GNAI3: variants seen among roughly 807,000 people sequenced by gnomAD.
GNAI3 encodes the protein G protein subunit alpha i3.
GNAI3 carries 12 observed loss-of-function variants against 41.8 expected under a neutral mutation model. That is an observed-to-expected ratio of 0.29 (90% CI 0.18 to 0.47). GNAI3 has a LOEUF of 0.47. Ranked by LOEUF, GNAI3 falls within the 20% of genes least tolerant of loss-of-function variation. GNAI3 has a pLI of 1.00. For synonymous variants in GNAI3, 132 were observed against 146.5 expected (o/e 0.90, Z 0.71); for missense variants, 360 against 429.6 (o/e 0.84, Z 1.43).
intron 1 of GNAI3, among the ~76,000 whole-genome samples, chr1:109,558,285 T>A (rs1648210959): frequency 6.6e-6 from 1 of 151,962 alleles, no homozygotes; most frequent in African/African-American, 2.4e-5. Flanking sequence ...TAGCCAGGCG[T>A]GGTGGTGCAC....
intron 1 of GNAI3, among the ~76,000 whole-genome samples, chr1:109,565,299 A>G (rs1338306383): frequency 6.6e-6 from 1 of 152,164 alleles, no homozygotes; most frequent in Non-Finnish European, 1.5e-5. Flanking sequence ...TGAACAAATA[A>G]TAAATGAGTG....
chr1:109,553,942 T>G (rs894498034), intron 1 of GNAI3, among the ~76,000 whole-genome samples: 1 of 152,182 alleles, frequency 6.6e-6, no homozygotes, highest in Non-Finnish European at 1.5e-5. Context: ...CACTTACAAG[T>G]GAGAACGTAC....
At chr1:109,580,197 A>G (rs1648854808) in intron 4 of GNAI3, among the ~76,000 whole-genome samples, 1 of 152,066 alleles carries the variant, frequency 6.6e-6, no homozygotes, top group Admixed American at 6.5e-5. Flanking sequence ...ACGGGGTTTC[A>G]ACGTGTTAGC....
intron 1 of GNAI3, 149 bp from the exon 2 acceptor site, chr1:109,573,588 C>G (rs1300435624): frequency 1.4e-5 from 9 of 632,680 alleles, no homozygotes; most frequent in Non-Finnish European, 2.0e-5. Flanking sequence ...TGGAGAAGCT[C>G]CATACATTTT....
rs1470319513 is a variant in GNAI3 at position 109,548,757 on chromosome 1, G to C, written c.37G>C (p.Val13Leu). The change falls in exon 1 of 9, where the codon GTG becomes CTG. Residue 13 changes from valine to leucine, a missense_variant. By Grantham distance (32) the Val-to-Leu change is conservative (BLOSUM62 1). Coordinates refer to ENST00000369851, the MANE Select transcript of GNAI3 (RefSeq NM_006496.4). The stretch of plus-strand genomic sequence containing the variant: ...GTTGAGCGCCGAAGACAAGGCGGCA[G>C]TGGAGCGAAGCAAGATGATCGACCG... ...CTLSAEDKAA[V>L]ERSKMIDRNL... The C allele has an allele frequency of 3.1e-6, 5 of 1,613,642 alleles. No individual in the cohort carries two copies. The Admixed American group carries it at 6.7e-5, about 22-fold the overall frequency.
At chr1:109,580,818 C>T (rs1301978366) in intron 4 of GNAI3, among the ~76,000 whole-genome samples, 1 of 152,206 alleles carries the variant, frequency 6.6e-6, no homozygotes, top group Non-Finnish European at 1.5e-5. Context: ...TACATTTATA[C>T]AGTCTGTTGT....
Position 109,598,294 on chromosome 1 carries a change from A to C in GNAI3, c.*5972A>C, listed in dbSNP as rs1342074747. The stretch of plus-strand genomic sequence containing the variant: ...GATAAAGGTCCTGAGACCTCTCAGA[A>C]TCTTACGAGGTTGGAGAGTTGTTTG... On this transcript the variant is annotated 3_prime_UTR_variant, in exon 9 of 9. Coordinates refer to ENST00000369851, the MANE Select transcript of GNAI3 (RefSeq NM_006496.4). The C allele has an allele frequency of 6.6e-6, 1 of 152,272 alleles. No homozygotes were observed. The highest frequency in any genetic ancestry group is 1.5e-5 in the Non-Finnish European group (1 of 68,090). 9.4% of individuals were successfully genotyped at this position (152,272 alleles called of 1,614,324 possible).
chr1:109,559,882 T>G (rs1327224826), intron 1 of GNAI3, among the ~76,000 whole-genome samples: 1 of 152,232 alleles, frequency 6.6e-6, no homozygotes, highest in African/African-American at 2.4e-5. Flanking sequence ...TTAGGATCAC[T>G]GTTTAATTGT....
Position 109,561,502 on chromosome 1 carries a change from C to G in GNAI3, c.119-12235C>G, listed in dbSNP as rs186876505. Among the ~76,000 whole-genome samples, 3 of 152,270 alleles carry G rather than the reference C, an allele frequency of 2.0e-5. No individual in the cohort carries two copies. In the East Asian group the frequency reaches 5.8e-4, roughly 29 times the overall value. ...CTAATTTTCTGCTCCAGGATCCAATCCAGGATACACCATTGCATTTAGTCA... is the reference window on the plus strand; with the variant it reads ...CTAATTTTCTGCTCCAGGATCCAATGCAGGATACACCATTGCATTTAGTCA... On this transcript the variant is annotated intron_variant, in intron 1 of 8. Coordinates refer to ENST00000369851, the MANE Select transcript of GNAI3 (RefSeq NM_006496.4).
chr1:109,577,303 G>GT (rs1304364169), intron 3 of GNAI3, among the ~76,000 whole-genome samples: 1 of 143,746 alleles, frequency 7.0e-6, no homozygotes, highest in African/African-American at 2.7e-5. Flanking sequence ...TTGAGATGGA[G>GT]TTTTGCTCTG....
intron 1 of GNAI3, among the ~76,000 whole-genome samples, chr1:109,558,828 G>A (rs1648228809): frequency 6.6e-6 from 1 of 152,086 alleles, no homozygotes; most frequent in South Asian, 2.1e-4. Context: ...TTAGTTTTAT[G>A]GCAGGGGAAT....
At position 109,598,673 on chromosome 1, in the gene GNAI3, T is replaced by C. The variant is rs1649373740; in HGVS notation, c.*6351T>C. 1 of 226,702 alleles carries C rather than the reference T, an allele frequency of 4.4e-6. No homozygotes were observed. The highest frequency in any genetic ancestry group is 9.4e-6 in the Non-Finnish European group (1 of 106,198). The allele number at this position is 226,702 out of a possible 1,614,324, so 14.0% of individuals were successfully genotyped here. ...AAATTCGTGAAGCAGGGTGAAAAGG[T>C]CTTTGCTTTGTTTTACATTTAAATC... is the stretch of plus-strand genomic sequence containing the variant. On this transcript the variant is annotated 3_prime_UTR_variant, in exon 9 of 9. Transcript: ENST00000369851.
Position 109,592,032 on chromosome 1 carries a change from G to A in GNAI3, c.875-11G>A, listed in dbSNP as rs751056063. The A allele has an allele frequency of 1.9e-6, 3 of 1,579,640 alleles. No homozygotes were observed. Among genetic ancestry groups the A allele is most frequent in the Non-Finnish European group, 2.6e-6 (3 of 1,152,578 alleles). ...ACAATTTGAACTGAGAGTACTGGGT[G>A]TCCGTTTTAGGTTCCAATACATATG... On this transcript the variant is annotated splice_polypyrimidine_tract_variant and intron_variant, in intron 7 of 8. Coordinates refer to ENST00000369851, the MANE Select transcript of GNAI3 (RefSeq NM_006496.4).
At chr1:109,589,925 C>T (rs549517183) in intron 7 of GNAI3, among the ~76,000 whole-genome samples, 1 of 152,266 alleles carries the variant, frequency 6.6e-6, no homozygotes, top group East Asian at 1.9e-4. Context: ...CACTAAGTGC[C>T]ACAGAATTGT....
At chr1:109,590,054 A>G (rs1481384881) in intron 7 of GNAI3, among the ~76,000 whole-genome samples, 1 of 152,242 alleles carries the variant, frequency 6.6e-6, no homozygotes, top group African/African-American at 2.4e-5. Context: ...GACCAGAAGT[A>G]CAAATAAGTG....
chr1:109,565,086 C>A, intron 1 of GNAI3, among the ~76,000 whole-genome samples: 1 of 151,824 alleles, frequency 6.6e-6, no homozygotes, highest in East Asian at 1.9e-4. Flanking sequence ...GATGGTGAAA[C>A]CCCGTCTCTA....
chr1:109,587,699 G>A (rs1005575365), intron 7 of GNAI3, among the ~76,000 whole-genome samples: 8 of 152,188 alleles, frequency 5.3e-5, no homozygotes, highest in African/African-American at 9.6e-5. Context: ...ATGCTGAGAC[G>A]ATGATCAGTT....
Position 109,596,068 on chromosome 1 carries a change from T to C in GNAI3, c.*3746T>C, listed in dbSNP as rs1326022787. 2 of 152,194 alleles carry C rather than the reference T, an allele frequency of 1.3e-5. No individual in the cohort carries two copies. Among genetic ancestry groups the C allele is most frequent in the African/African-American group, 4.8e-5 (2 of 41,444 alleles). The allele number at this position is 152,194 out of a possible 1,614,324, so 9.4% of individuals were successfully genotyped here. A position where few individuals can be genotyped will look rare whatever the true frequency, so the allele number is the denominator to read the frequency against. On this transcript the variant is annotated 3_prime_UTR_variant, in exon 9 of 9. Coordinates refer to ENST00000369851, the MANE Select transcript of GNAI3 (RefSeq NM_006496.4). ...TCTTTACATAGCTTTATGATCATCA[T>C]ATTTTGTTGTATTGCTCCCAACAAG...
chr1:109,568,124 T>C (rs542875924), intron 1 of GNAI3, among the ~76,000 whole-genome samples: 20 of 152,318 alleles, frequency 1.3e-4, no homozygotes, highest in Middle Eastern at 3.4e-3. Context: ...TTAAAAATTA[T>C]CTTGCAAAGA....
Sources: allele counts gnomAD v4.1 joint callset (sites outside exome capture counted in the v4.1 genomes callset), GRCh38; gene constraint gnomAD v4.1.1; transcripts MANE v1.5; gene names NCBI Gene and HGNC (gene_info 2026-07-23, HGNC 2026-07-21).